The following PTPN13 variants were observed in gnomAD, a reference collection of about 807,000 sequenced individuals.
PTPN13 encodes the protein tyrosine-protein phosphatase non-receptor type 13.
In PTPN13, 191 loss-of-function variants were observed where a neutral mutation model predicts 284.0. That is an observed-to-expected ratio of 0.67 (90% CI 0.60 to 0.76). The LOEUF (loss-of-function observed/expected upper bound fraction) is 0.76. Ranked by LOEUF, PTPN13 falls within the 30% of genes least tolerant of loss-of-function variation. PTPN13 has a pLI of 0.00. For synonymous variants in PTPN13, 986 were observed against 1,022.3 expected (o/e 0.96, Z 0.68); for missense variants, 2,797 against 2,939.9 (o/e 0.95, Z 1.12).
In PTPN13 at chr4:86,758,688, T is replaced by A. The variant is rs1156236114; in HGVS notation, c.3324T>A (p.Ile1108=). 2 of 1,612,648 alleles carry A rather than the reference T, an allele frequency of 1.2e-6. No homozygotes were observed. Among genetic ancestry groups the A allele is most frequent in the Middle Eastern group, 3.3e-4 (2 of 6,058 alleles). ...TGTGTTATTTTACAGGATTTCAAAT[T>A]ATTGGTGGGGAGAAGATGGGAAGAC... ...KDAKYGLGFQ[I]IGGEKMGRLD... Residue 1108 remains isoleucine (I), a synonymous_variant, in exon 22 of 48, where the codon ATT becomes ATA. Transcript: ENST00000411767.
rs767779289 is a variant in PTPN13 at position 86,814,444 on chromosome 4, T to G, written c.7363-12T>G. 12 of 1,565,822 alleles carry G rather than the reference T, an allele frequency of 7.7e-6. No individual in the cohort carries two copies. The highest frequency in any genetic ancestry group is 6.8e-5 in the African/African-American group (5 of 73,600). ...CATCTAAAGTATTCTATCTCACTTT[T>G]TTTGGCCATAGGATCAATATATTTT... On this transcript the variant is annotated splice_polypyrimidine_tract_variant and intron_variant, in intron 47 of 47. Coordinates refer to ENST00000411767, the MANE Select transcript of PTPN13 (RefSeq NM_080683.3).
At chr4:86,740,036 G>A (rs575929811) in intron 15 of PTPN13, among the ~76,000 whole-genome samples, 1 of 152,330 alleles carries the variant, frequency 6.6e-6, no homozygotes, top group South Asian at 2.1e-4. Flanking sequence ...TCTTTGTAGG[G>A]TATAGACCCC....
chr4:86,729,548 T>C (rs1032376867), intron 10 of PTPN13, among the ~76,000 whole-genome samples: 1 of 149,600 alleles, frequency 6.7e-6, no homozygotes, highest in African/African-American at 2.4e-5. Flanking sequence ...CTTTTTACTA[T>C]TTTTTCTCTA....
intron 4 of PTPN13, 74 bp downstream of exon 4, chr4:86,686,849 C>A: frequency 9.8e-7 from 1 of 1,019,238 alleles, no homozygotes; most frequent in Non-Finnish European, 1.5e-6. Context: ...AGCTCTTCCA[C>A]ACGTTTATAC....
intron 35 of PTPN13, 89 bp downstream of exon 35, chr4:86,775,741 TG>T: frequency 1.6e-5 from 17 of 1,053,090 alleles, no homozygotes; most frequent in East Asian, 2.6e-5. Context: ...AATATATTAC[TG>T]AATTAGTAAT....
intron 2 of PTPN13, among the ~76,000 whole-genome samples, chr4:86,642,333 A>G (rs1019738666): frequency 6.6e-6 from 1 of 151,626 alleles, no homozygotes; most frequent in Non-Finnish European, 1.5e-5. Context: ...TAGGAAGTTA[A>G]TTGTAGTTAT....
intron 2 of PTPN13, chr4:86,661,031 G>A: frequency 2.4e-6 from 1 of 423,358 alleles, no homozygotes; most frequent in South Asian, 1.7e-5. Context: ...ATTGCAAACA[G>A]CATTATTCTT....
In PTPN13 at chr4:86,686,720, A is replaced by C; in HGVS notation, c.305A>C (p.Tyr102Ser). Reference sequence around the variant, plus strand: ...AAATTCTATTCCTAGATCCACATTTATTCTCTTGGAATGACACTGTATTGG... The same window carrying C: ...AAATTCTATTCCTAGATCCACATTTCTTCTCTTGGAATGACACTGTATTGG... ...SLSDVEKIHI[Y>S]SLGMTLYWGA... The change falls in exon 4 of 48, where the codon TAT (tyrosine) becomes TCT (serine). Residue 102 changes from tyrosine (Y) to serine (S), a missense_variant. Transcript: ENST00000411767. The C allele has an allele frequency of 6.4e-7, 1 of 1,566,266 alleles. No homozygotes were observed. Among genetic ancestry groups the C allele is most frequent in the Non-Finnish European group, 8.7e-7 (1 of 1,153,594 alleles).
intron 9 of PTPN13, among the ~76,000 whole-genome samples, chr4:86,717,828 G>A (rs1019426343): frequency 6.6e-6 from 1 of 152,164 alleles, no homozygotes; most frequent in Non-Finnish European, 1.5e-5. Context: ...TGAATAGTGA[G>A]TAGGTTACTA....
At chr4:86,725,312 T>A (rs1734117353) in intron 10 of PTPN13, among the ~76,000 whole-genome samples, 1 of 149,496 alleles carries the variant, frequency 6.7e-6, no homozygotes, top group Non-Finnish European at 1.5e-5. Flanking sequence ...GCGTGATTTA[T>A]AATCCTTTGG....
At chr4:86,699,918 G>T (rs1019635135) in intron 6 of PTPN13, among the ~76,000 whole-genome samples, 1 of 152,026 alleles carries the variant, frequency 6.6e-6, no homozygotes, top group Non-Finnish European at 1.5e-5. Context: ...ATTATCTTAG[G>T]TTAGAAGCTG....
intron 7 of PTPN13, among the ~76,000 whole-genome samples, chr4:86,712,018 C>A (rs1317291381): frequency 6.6e-6 from 1 of 151,998 alleles, no homozygotes; most frequent in Non-Finnish European, 1.5e-5. Flanking sequence ...AAAATACCAG[C>A]CAGGTTTTGT....
At chr4:86,640,931 T>C (rs190763864) in intron 2 of PTPN13, among the ~76,000 whole-genome samples, 2 of 152,316 alleles carry the variant, frequency 1.3e-5, no homozygotes, top group Admixed American at 1.3e-4. Context: ...GTATTATCAG[T>C]AATACAGAGA....
At chr4:86,598,439 C>T (rs1764016854) in intron 1 of PTPN13, among the ~76,000 whole-genome samples, 1 of 152,218 alleles carries the variant, frequency 6.6e-6, no homozygotes, top group Admixed American at 6.5e-5. Flanking sequence ...GCCACCGTGC[C>T]TGGTCCCTCT....
chr4:86,807,339 CACTAA>C (rs1423370471), intron 44 of PTPN13, among the ~76,000 whole-genome samples: 1 of 152,116 alleles, frequency 6.6e-6, no homozygotes, highest in Non-Finnish European at 1.5e-5. Flanking sequence ...GTCAGAAACT[CACTAA>C]ACTAACAGCT....
chr4:86,654,689 A>G (rs1007472684), intron 2 of PTPN13, among the ~76,000 whole-genome samples: 1 of 152,170 alleles, frequency 6.6e-6, no homozygotes, highest in African/African-American at 2.4e-5. Flanking sequence ...AATAAGTGTG[A>G]TGTGGTGCTG....
chr4:86,790,590 G>C (rs991639449), intron 40 of PTPN13, among the ~76,000 whole-genome samples: 1 of 152,158 alleles, frequency 6.6e-6, no homozygotes, highest in Non-Finnish European at 1.5e-5. Flanking sequence ...TTTAGATTGG[G>C]TGGATAGAAA....
chr4:86,595,845 TG>T lies in PTPN13; in HGVS notation c.-6+1065del, dbSNP rs370168035. 4,185 of 683,442 alleles carry T rather than the reference TG, an allele frequency of 6.1e-3. 5 individuals carry two copies. Among genetic ancestry groups the T allele is most frequent in the African/African-American group, 0.014 (720 of 50,392 alleles). 42.3% of individuals were successfully genotyped at this position (683,442 alleles called of 1,614,324 possible). A position where few individuals can be genotyped will look rare whatever the true frequency, so the allele number is the denominator to read the frequency against. On this transcript the variant is annotated intron_variant, in intron 1 of 47. Coordinates refer to ENST00000411767, the MANE Select transcript of PTPN13 (RefSeq NM_080683.3). The stretch of plus-strand genomic sequence containing the variant: ...TATATCTAGAAAGTTTACTAAAGGA[TG>T]GGGGGGGGAGTAAAAGTGCATGTAT...
chr4:86,609,525 T>C (rs1253573553), intron 1 of PTPN13, among the ~76,000 whole-genome samples: 1 of 152,200 alleles, frequency 6.6e-6, no homozygotes, highest in Non-Finnish European at 1.5e-5. Flanking sequence ...TCTTCCTCAG[T>C]GTGAAACTTT....
Sources: allele counts gnomAD v4.1 joint callset (sites outside exome capture counted in the v4.1 genomes callset), GRCh38; gene constraint gnomAD v4.1.1; transcripts MANE v1.5; gene names NCBI Gene and HGNC (gene_info 2026-07-23, HGNC 2026-07-21).